Variants in WDR27 observed in about 807,000 individuals in gnomAD.
WDR27 encodes the protein WD repeat-containing protein 27.
A neutral mutation model predicts 114.4 loss-of-function variants in WDR27; 100 were observed. That is an observed-to-expected ratio of 0.87 (90% CI 0.74 to 1.03). WDR27 has a LOEUF of 1.03. WDR27 is among the 50% of genes least tolerant of loss of function. The probability of loss-of-function intolerance (pLI) is 0.00; values close to 1 mark genes in which losing one functional copy is unlikely to be tolerated. For missense variants in WDR27, 1,129 were observed against 1,092.9 expected, an observed-to-expected ratio of 1.03 and a Z score of -0.47; for synonymous variants, 449 against 423.1, an observed-to-expected ratio of 1.06 and a Z score of -0.75.
intron 25 of WDR27, among the ~76,000 whole-genome samples, chr6:169,516,828 CA>C (rs1793726447): frequency 1.3e-5 from 2 of 151,672 alleles, no homozygotes; most frequent in African/African-American, 4.8e-5. Flanking sequence ...CACACACACA[CA>C]CACACACCCC....
chr6:169,613,746 A>C, intron 21 of WDR27, 90 bp from the exon 22 acceptor site: 1 of 1,161,508 alleles, frequency 8.6e-7, no homozygotes, highest in Non-Finnish European at 1.2e-6. Context: ...GCTGATTCTC[A>C]AGTAAGATAT....
At chr6:169,476,820 TATAATAGC>T (rs1485492383) in intron 25 of WDR27, among the ~76,000 whole-genome samples, 5 of 152,196 alleles carry the variant, frequency 3.3e-5, no homozygotes, top group African/African-American at 4.8e-5. Context: ...TTATGTTAGT[TATAATAGC>T]ATAATAATTC....
chr6:169,623,650 C>T (rs1445688263), intron 21 of WDR27, among the ~76,000 whole-genome samples: 6 of 152,232 alleles, frequency 3.9e-5, no homozygotes, highest in Admixed American at 3.9e-4. Context: ...CAACAACCCA[C>T]ATTTGGGATG....
intron 2 of WDR27, among the ~76,000 whole-genome samples, chr6:169,678,537 T>C (rs757009439): frequency 2.6e-5 from 4 of 152,188 alleles, no homozygotes; most frequent in Non-Finnish European, 5.9e-5. Flanking sequence ...AGATGAAACT[T>C]TGGACTTAGG....
intron 2 of WDR27, among the ~76,000 whole-genome samples, chr6:169,683,490 C>A (rs892873932): frequency 6.6e-6 from 1 of 151,634 alleles, no homozygotes; most frequent in East Asian, 1.9e-4. Context: ...ATCAGCAAGA[C>A]GGCTGACTAG....
At chr6:169,503,578 C>CT (rs1791615941) in intron 25 of WDR27, among the ~76,000 whole-genome samples, 1 of 152,032 alleles carries the variant, frequency 6.6e-6, no homozygotes, top group African/African-American at 2.4e-5. Context: ...TTAGATGCTC[C>CT]TTTTTTTGGA....
At chr6:169,701,241 A>G (rs1289818869) in intron 1 of WDR27, among the ~76,000 whole-genome samples, 1 of 152,210 alleles carries the variant, frequency 6.6e-6, no homozygotes, top group Non-Finnish European at 1.5e-5. Context: ...ATATTTTTAA[A>G]AAGAGAAAAT....
chr6:169,488,946 C>CTTT lies in WDR27; in HGVS notation c.2646-31315_2646-31313dup, dbSNP rs35035417. 7.1e-3 allele frequency among the ~76,000 whole-genome samples: 966 copies of CTTT among 135,538 alleles called. 17 individuals are homozygous for CTTT. Among genetic ancestry groups the CTTT allele is most frequent in the African/African-American group, 0.025 (919 of 36,228 alleles). 88.9% of individuals were successfully genotyped at this position (135,538 alleles called of 152,430 possible). On this transcript the variant is annotated intron_variant, in intron 25 of 25. Transcript: ENST00000448612. ...CGTCAAATGGCACATTTGATGCCCCCTTTTTTTTTTTTTTTTGCATTTCTC... is the reference window on the plus strand; with the variant it reads ...CGTCAAATGGCACATTTGATGCCCCCTTTTTTTTTTTTTTTTTTTGCATTTCTC...
At chr6:169,445,684 T>C in the WDR27 span, among the ~76,000 whole-genome samples, 1 of 152,240 alleles carries the variant, frequency 6.6e-6, no homozygotes, top group Non-Finnish European at 1.5e-5. Context: ...GAAATGCACC[T>C]GAGAGCTCCT....
intron 25 of WDR27, among the ~76,000 whole-genome samples, chr6:169,548,265 C>A (rs1343260927): frequency 2.6e-5 from 4 of 152,168 alleles, no homozygotes; most frequent in Admixed American, 6.5e-5. Flanking sequence ...CCAATTCGAT[C>A]TACACATTCA....
At chr6:169,518,962 GTCACTCTGAAGT>G (rs1346846971) in intron 25 of WDR27, among the ~76,000 whole-genome samples, 1 of 152,186 alleles carries the variant, frequency 6.6e-6, no homozygotes, top group Non-Finnish European at 1.5e-5. Context: ...ACCCTAGGTT[GTCACTCTGAAGT>G]TCAAATTTCC....
chr6:169,662,734 T>C (rs184316419), intron 8 of WDR27, among the ~76,000 whole-genome samples: 12 of 69,928 alleles, frequency 1.7e-4, no homozygotes, highest in South Asian at 5.8e-4. Flanking sequence ...CACCGCGGAG[T>C]ACTCAGATCA....
intron 25 of WDR27, among the ~76,000 whole-genome samples, chr6:169,558,089 G>GC (rs992056569): frequency 5.3e-5 from 8 of 151,934 alleles, no homozygotes; most frequent in Non-Finnish European, 1.0e-4. Flanking sequence ...AAAAAGGTGT[G>GC]CCCTGCATTT....
At chr6:169,583,998 G>A (rs187510803) in intron 23 of WDR27, among the ~76,000 whole-genome samples, 38 of 152,198 alleles carry the variant, frequency 2.5e-4, no homozygotes, top group Middle Eastern at 6.8e-3. Flanking sequence ...CATGTTGCAC[G>A]TTAGATACCT....
At chr6:169,655,477 G>A (rs994424626) in intron 13 of WDR27, among the ~76,000 whole-genome samples, 1 of 152,222 alleles carries the variant, frequency 6.6e-6, no homozygotes, top group Non-Finnish European at 1.5e-5. Flanking sequence ...AGTATATCCA[G>A]ACAACAGAAC....
intron 2 of WDR27, among the ~76,000 whole-genome samples, chr6:169,677,795 T>C (rs1277738081): frequency 6.6e-6 from 1 of 152,230 alleles, no homozygotes; most frequent in Non-Finnish European, 1.5e-5. Flanking sequence ...TGCTCCCGTC[T>C]CCAGCTCTGG....
intron 22 of WDR27, among the ~76,000 whole-genome samples, chr6:169,605,883 C>G (rs923329139): frequency 6.6e-6 from 1 of 152,068 alleles, no homozygotes; most frequent in African/African-American, 2.4e-5. Context: ...ATAAATAGTG[C>G]TTGAAAAATT....
chr6:169,697,586 T>C (rs1041499430), intron 1 of WDR27, among the ~76,000 whole-genome samples: 4 of 152,184 alleles, frequency 2.6e-5, no homozygotes, highest in African/African-American at 9.6e-5. Context: ...GCCTTCAGGT[T>C]CCATCCGGTA....
rs1422138167 is a variant in WDR27, at chr6:169,583,300, GGAA to G, written c.2425-369_2425-367del. On this transcript the variant is annotated intron_variant, in intron 23 of 25. Transcript: ENST00000448612. ...CTTACCTTGAAGTTCCAAATTGAAT[GGAA>G]AAAAAAAAAAAAAAAAGATGCTCTA... Among the ~76,000 whole-genome samples, 158 of 56,818 alleles carry G rather than the reference GGAA, an allele frequency of 2.8e-3. 4 individuals are homozygous for G. Among genetic ancestry groups the G allele is most frequent in the East Asian group, 0.016 (68 of 4,196 alleles). The allele number at this position is 56,818 out of a possible 152,430, so 37.3% of individuals were successfully genotyped here.
Sources: gnomAD v4.1 joint callset for allele counts (sites outside exome capture counted in the v4.1 genomes callset) on GRCh38, gnomAD v4.1.1 for gene constraint, MANE v1.5 for transcripts, NCBI Gene and HGNC (gene_info 2026-07-23, HGNC 2026-07-21) for gene names.